Variants in CSMD1 observed in about 807,000 individuals in gnomAD.
CSMD1 encodes the protein CUB and Sushi multiple domains 1.
In CSMD1, 213 loss-of-function variants were observed where a neutral mutation model predicts 417.5. The ratio of observed to expected loss-of-function variants is 0.51; its 90% confidence interval spans 0.46 to 0.57. The LOEUF is 0.57. CSMD1 is among the 20% of genes least tolerant of loss of function. CSMD1 has a pLI of 0.00. For missense variants in CSMD1, 6,923 were observed against 4,529.7 expected, an observed-to-expected ratio of 1.53 and a Z score of -15.17; for synonymous variants, 2,862 against 1,736.8, an observed-to-expected ratio of 1.65 and a Z score of -16.11.
At chr8:4,664,842 T>A (rs1383268866) in intron 1 of CSMD1, among the ~76,000 whole-genome samples, 1 of 152,166 alleles carries the variant, frequency 6.6e-6, no homozygotes, top group African/African-American at 2.4e-5. Flanking sequence ...TTCAAATGGA[T>A]TACATCCATC....
chr8:4,066,059 C>G (rs937533994), intron 3 of CSMD1, among the ~76,000 whole-genome samples: 1 of 152,190 alleles, frequency 6.6e-6, no homozygotes, highest in Non-Finnish European at 1.5e-5. Context: ...ATGGGAAAGC[C>G]TGGAATAGGT....
Position 3,940,894 on chromosome 8 carries a change from C to CG in CSMD1, c.818+57008_818+57009insC, listed in dbSNP as rs895883737. ...TCCTTATGCCATCTCCCTTCTCCCC[C>CG]CGAGATTATGTCTACATTTAAAATA... On this transcript the variant is annotated intron_variant, in intron 5 of 69. Transcript: ENST00000635120. Among the ~76,000 whole-genome samples the CG allele has an allele frequency of 1.1e-4, 17 of 150,418 alleles. No individual in the cohort carries two copies. In the East Asian group the frequency reaches 2.4e-3, roughly 21 times the overall value.
intron 6 of CSMD1, among the ~76,000 whole-genome samples, chr8:3,709,452 A>T (rs569400059): frequency 6.6e-6 from 1 of 152,162 alleles, no homozygotes; most frequent in East Asian, 2.0e-4. Context: ...ACCTGACTGC[A>T]CCACAAGGTG....
intron 3 of CSMD1, among the ~76,000 whole-genome samples, chr8:4,201,031 T>C (rs1799615178): frequency 6.6e-6 from 1 of 152,198 alleles, no homozygotes; most frequent in South Asian, 2.1e-4. Context: ...CATGAGATAC[T>C]ACAGAGACGA....
chr8:3,827,282 T>G (rs911110415), intron 5 of CSMD1, among the ~76,000 whole-genome samples: 1 of 152,166 alleles, frequency 6.6e-6, no homozygotes. Context: ...AATGTTACAT[T>G]TGAACCACAT....
In CSMD1 at chr8:3,469,771, A is replaced by C. The variant is rs776313792; in HGVS notation, c.1449-947T>G. On this transcript the variant is annotated intron_variant, in intron 11 of 69. Coordinates refer to ENST00000635120, the MANE Select transcript of CSMD1 (RefSeq NM_033225.6). ...GCAGTACAGAGCACCGGATTCTTCAAAGGAAGAAGAACAACTGTCATTATA... is the reference window on the plus strand; with the variant it reads ...GCAGTACAGAGCACCGGATTCTTCACAGGAAGAAGAACAACTGTCATTATA... 9.2e-5 allele frequency among the ~76,000 whole-genome samples: 14 copies of C among 152,214 alleles called. No individual in the cohort carries two copies. In the South Asian group the frequency reaches 1.0e-3, roughly 11 times the overall value.
intron 1 of CSMD1, among the ~76,000 whole-genome samples, chr8:4,763,671 T>A (rs964525642): frequency 5.3e-5 from 8 of 152,160 alleles, no homozygotes; most frequent in Non-Finnish European, 1.0e-4. Context: ...TAAATAAAGA[T>A]TGAGTTTCAA....
intron 7 of CSMD1, among the ~76,000 whole-genome samples, chr8:3,647,956 C>T (rs972508305): frequency 3.3e-5 from 5 of 152,214 alleles, no homozygotes; most frequent in Non-Finnish European, 4.4e-5. Context: ...CTTCATAAAG[C>T]AGTGATGCTT....
At chr8:3,382,243 A>G (rs1037763692) in intron 18 of CSMD1, among the ~76,000 whole-genome samples, 12 of 151,528 alleles carry the variant, frequency 7.9e-5, no homozygotes, top group African/African-American at 2.4e-4. Context: ...GGAAAGGGAA[A>G]AAGTTATTAT....
At chr8:3,074,114 T>C (rs1219828597) in intron 49 of CSMD1, among the ~76,000 whole-genome samples, 1 of 152,226 alleles carries the variant, frequency 6.6e-6, no homozygotes, top group African/African-American at 2.4e-5. Context: ...AATACGTTTC[T>C]TGCATTTGCG....
At chr8:3,272,305 C>G (rs1373562673) in intron 26 of CSMD1, among the ~76,000 whole-genome samples, 3 of 145,554 alleles carry the variant, frequency 2.1e-5, no homozygotes, top group Admixed American at 7.0e-5. Flanking sequence ...TGTTTTGGTA[C>G]CAGTACCATG....
At chr8:3,203,166 G>A (rs1797079974) in intron 31 of CSMD1, among the ~76,000 whole-genome samples, 1 of 152,176 alleles carries the variant, frequency 6.6e-6, no homozygotes, top group South Asian at 2.1e-4. Context: ...TAGTAACATG[G>A]TCTTAGGACT....
At chr8:3,788,207 G>A (rs954817275) in intron 5 of CSMD1, among the ~76,000 whole-genome samples, 1 of 152,172 alleles carries the variant, frequency 6.6e-6, no homozygotes, top group South Asian at 2.1e-4. Flanking sequence ...ACAGATAGTT[G>A]GATCACAGGA....
intron 49 of CSMD1, among the ~76,000 whole-genome samples, chr8:3,070,220 A>G (rs1361784506): frequency 6.6e-6 from 1 of 152,230 alleles, no homozygotes; most frequent in Non-Finnish European, 1.5e-5. Context: ...ATTGTTTTGG[A>G]ATATTAGCAC....
intron 69 of CSMD1, 132 bp from the exon 70 acceptor site, chr8:2,938,876 C>T (rs1006384912): frequency 5.9e-6 from 4 of 682,030 alleles, no homozygotes; most frequent in South Asian, 5.8e-5. Context: ...AGAAGGAAGG[C>T]ATCCACACCT....
At chr8:3,425,027 C>G (rs1813738351) in intron 12 of CSMD1, among the ~76,000 whole-genome samples, 1 of 152,058 alleles carries the variant, frequency 6.6e-6, no homozygotes, top group African/African-American at 2.4e-5. Flanking sequence ...TTTGTAGAGA[C>G]AGGGGTCTCA....
intron 5 of CSMD1, among the ~76,000 whole-genome samples, chr8:3,871,135 CAAGT>C (rs1208805171): frequency 6.6e-6 from 1 of 151,944 alleles, no homozygotes; most frequent in Non-Finnish European, 1.5e-5. Flanking sequence ...TTTTTTAAAA[CAAGT>C]AATACCTCAC....
At chr8:4,578,334 T>TTTTC (rs1377320131) in intron 2 of CSMD1, among the ~76,000 whole-genome samples, 4 of 122,530 alleles carry the variant, frequency 3.3e-5, no homozygotes, top group African/African-American at 1.6e-4. Context: ...CCCGGCTCAT[T>TTTTC]TTTTTTTTTT....
chr8:3,543,556 G>C (rs574467198), intron 10 of CSMD1, among the ~76,000 whole-genome samples: 7 of 151,968 alleles, frequency 4.6e-5, no homozygotes, highest in Non-Finnish European at 8.8e-5. Flanking sequence ...TGAACAGAGT[G>C]TATGGGTCTG....
Sources: gnomAD v4.1 joint callset for allele counts (sites outside exome capture counted in the v4.1 genomes callset) on GRCh38, gnomAD v4.1.1 for gene constraint, MANE v1.5 for transcripts, NCBI Gene and HGNC (gene_info 2026-07-23, HGNC 2026-07-21) for gene names.